Variants in PARD3 observed in about 807,000 individuals in gnomAD.
PARD3 encodes the protein par-3 family cell polarity regulator.
A neutral mutation model predicts 155.4 loss-of-function variants in PARD3; 75 were observed. That is an observed-to-expected ratio of 0.48 (90% CI 0.40 to 0.58). The LOEUF (loss-of-function observed/expected upper bound fraction) is 0.58, where lower values mean the gene tolerates loss of function less well. Among genes scored for constraint, PARD3 ranks in the 20% least tolerant of loss-of-function variants. PARD3 has a pLI of 0.00. For synonymous variants in PARD3, 576 were observed against 610.5 expected (o/e 0.94, Z 0.83); for missense variants, 1,642 against 1,721.7 (o/e 0.95, Z 0.82).
At chr10:34,158,399 T>G (rs1354892836) in intron 22 of PARD3, among the ~76,000 whole-genome samples, 1 of 152,234 alleles carries the variant, frequency 6.6e-6, no homozygotes, top group Non-Finnish European at 1.5e-5. Flanking sequence ...TTTTCTTGGA[T>G]AGCTTCTGTG....
intron 2 of PARD3, among the ~76,000 whole-genome samples, chr10:34,651,405 GAA>G: frequency 6.6e-6 from 1 of 152,312 alleles, no homozygotes; most frequent in East Asian, 1.9e-4. Flanking sequence ...ATAAAGAAGA[GAA>G]AGTGGGAAAC....
At chr10:34,116,434 A>G (rs1946674793) in intron 24 of PARD3, among the ~76,000 whole-genome samples, 1 of 152,228 alleles carries the variant, frequency 6.6e-6, no homozygotes, top group Non-Finnish European at 1.5e-5. Flanking sequence ...GTCTTTGAAG[A>G]ATATCACATG....
intron 2 of PARD3, among the ~76,000 whole-genome samples, chr10:34,556,273 T>C (rs187201645): frequency 7.2e-5 from 11 of 152,300 alleles, no homozygotes; most frequent in Admixed American, 7.2e-4. Flanking sequence ...AATCTGGCTT[T>C]TGTTAAGTGA....
At chr10:34,394,349 G>A (rs1782091766) in intron 7 of PARD3, among the ~76,000 whole-genome samples, 1 of 152,052 alleles carries the variant, frequency 6.6e-6, no homozygotes, top group African/African-American at 2.4e-5. Context: ...GTTTAAGACA[G>A]GTTCTCACTC....
intron 19 of PARD3, 64 bp downstream of exon 19, chr10:34,331,053 G>A: frequency 7.7e-7 from 1 of 1,302,176 alleles, no homozygotes. Flanking sequence ...AGGGCTCCCT[G>A]GAGCTCACTT....
chr10:34,394,365 T>C (rs1177541311), intron 7 of PARD3, among the ~76,000 whole-genome samples: 1 of 152,120 alleles, frequency 6.6e-6, no homozygotes, highest in African/African-American at 2.4e-5. Flanking sequence ...CACTCTGCCA[T>C]GCCAAGCTGG....
chr10:34,682,870 G>A (rs1354696385), intron 2 of PARD3, among the ~76,000 whole-genome samples: 3 of 152,100 alleles, frequency 2.0e-5, no homozygotes, highest in South Asian at 4.1e-4. Context: ...GGCCTGTCTC[G>A]AAGAAAAACA....
intron 5 of PARD3, among the ~76,000 whole-genome samples, chr10:34,439,694 T>C (rs1018690073): frequency 1.3e-5 from 2 of 151,986 alleles, no homozygotes; most frequent in African/African-American, 4.8e-5. Flanking sequence ...TGACCTCAAG[T>C]AATCCACCTG....
intron 2 of PARD3, among the ~76,000 whole-genome samples, chr10:34,669,263 T>C (rs139323763): frequency 1.2e-4 from 18 of 152,258 alleles, no homozygotes; most frequent in Middle Eastern, 3.4e-3. Context: ...ACAGACACAA[T>C]AGAATACTAT....
intron 1 of PARD3, among the ~76,000 whole-genome samples, chr10:34,790,955 G>A (rs11593745): frequency 0.034 from 5,232 of 152,222 alleles, 105 homozygotes; most frequent in Middle Eastern, 0.092. Context: ...AAGCGCATGC[G>A]TGGCACGCAC....
At chr10:34,602,189 C>T (rs937695967) in intron 2 of PARD3, among the ~76,000 whole-genome samples, 5 of 152,182 alleles carry the variant, frequency 3.3e-5, no homozygotes, top group Admixed American at 6.6e-5. Flanking sequence ...AGAGAAACTG[C>T]AACGCTGTTA....
chr10:34,780,167 T>A (rs1251395219), intron 1 of PARD3, among the ~76,000 whole-genome samples: 1 of 152,190 alleles, frequency 6.6e-6, no homozygotes, highest in Non-Finnish European at 1.5e-5. Flanking sequence ...CTTATTTTAT[T>A]AAAAAAATTA....
chr10:34,287,718 A>C (rs1956467408), intron 20 of PARD3, among the ~76,000 whole-genome samples: 1 of 152,202 alleles, frequency 6.6e-6, no homozygotes. Context: ...TCAGTCAATC[A>C]ACCTTCATCT....
intron 2 of PARD3, among the ~76,000 whole-genome samples, chr10:34,553,594 G>A (rs1050788933): frequency 1.1e-4 from 16 of 152,142 alleles, no homozygotes; most frequent in Non-Finnish European, 1.3e-4. Flanking sequence ...GGTTCTCATG[G>A]AACATGCTAA....
At chr10:34,442,509 GCGAGGCTACGCATT>G (rs1259476723) in intron 5 of PARD3, among the ~76,000 whole-genome samples, 2 of 152,208 alleles carry the variant, frequency 1.3e-5, no homozygotes, top group African/African-American at 4.8e-5. Flanking sequence ...GCACAAGGAG[GCGAGGCTACGCATT>G]CGAGGCCAAC....
intron 2 of PARD3, among the ~76,000 whole-genome samples, chr10:34,596,308 C>A (rs1476952587): frequency 6.6e-6 from 1 of 151,796 alleles, no homozygotes; most frequent in East Asian, 1.9e-4. Context: ...CTATCACAAA[C>A]ACACAAATGT....
chr10:34,249,635 T>C (rs11009696), intron 22 of PARD3, among the ~76,000 whole-genome samples: 23,428 of 152,200 alleles, frequency 0.15, 2,455 homozygotes, highest in African/African-American at 0.3. Context: ...GACAGGTGCC[T>C]GGAATTTTGG....
intron 4 of PARD3, among the ~76,000 whole-genome samples, chr10:34,463,622 G>GTGAAATGTCACAAACCCAA (rs1018473289): frequency 3.3e-5 from 5 of 151,856 alleles, no homozygotes; most frequent in African/African-American, 1.2e-4. Context: ...ATGAGAGGAA[G>GTGAAATGTCACAAACCCAA]TGAAATGTCA....
intron 11 of PARD3, among the ~76,000 whole-genome samples, 191 bp from the exon 12 acceptor site, chr10:34,372,727 G>A (rs771890805): frequency 2.0e-5 from 3 of 152,080 alleles, no homozygotes; most frequent in Non-Finnish European, 4.4e-5. Context: ...GTTTATGTGT[G>A]TGTTTTAAGA....
Sources: gnomAD v4.1 joint callset for allele counts (sites outside exome capture counted in the v4.1 genomes callset) on GRCh38, gnomAD v4.1.1 for gene constraint, MANE v1.5 for transcripts, NCBI Gene and HGNC (gene_info 2026-07-23, HGNC 2026-07-21) for gene names.